Variants in STK17A observed in about 807,000 individuals in gnomAD.
STK17A encodes the protein serine/threonine-protein kinase 17A.
Under a neutral mutation model 43.7 loss-of-function variants are expected in STK17A, and 26 were observed. The ratio of observed to expected loss-of-function variants is 0.60; its 90% CI spans 0.44 to 0.83. The LOEUF (loss-of-function observed/expected upper bound fraction) is 0.83. Ranked by LOEUF, STK17A falls within the 40% of genes least tolerant of loss-of-function variation. The pLI, the probability that STK17A is intolerant of heterozygous loss-of-function variation, is 0.00. For synonymous variants in STK17A, 191 were observed against 182.5 expected, an observed-to-expected ratio of 1.05 and a Z score of -0.38; for missense variants, 476 against 511.6, an observed-to-expected ratio of 0.93 and a Z score of 0.67.
intron 1 of STK17A, among the ~76,000 whole-genome samples, chr7:43,584,961 C>T (rs969486979): frequency 3.3e-5 from 5 of 152,192 alleles, no homozygotes; most frequent in African/African-American, 9.7e-5. Flanking sequence ...CTTTGGGAGG[C>T]TGAGGCGGGT....
rs570390117 is a variant in STK17A at position 43,596,882 on chromosome 7, A to G, written c.419+769A>G. Among the ~76,000 whole-genome samples, 142 of 151,366 alleles carry G rather than the reference A, an allele frequency of 9.4e-4. No homozygotes were observed. In the Middle Eastern group the frequency reaches 0.014, roughly 15 times the overall value. ...GACTCCATCTCAAAAAAAAAAAAAA[A>G]AAAACCTTAATACTCATGCCTGTAA... On this transcript the variant is annotated intron_variant, in intron 2 of 6. Transcript: ENST00000319357.
chr7:43,590,271 T>C (rs2082471772), intron 1 of STK17A, among the ~76,000 whole-genome samples: 1 of 151,352 alleles, frequency 6.6e-6, no homozygotes, highest in Admixed American at 6.6e-5. Flanking sequence ...AAACAATTAT[T>C]TTCAGTATTC....
chr7:43,595,564 C>T (rs1035206612), intron 1 of STK17A, among the ~76,000 whole-genome samples: 3 of 152,104 alleles, frequency 2.0e-5, no homozygotes, highest in African/African-American at 7.2e-5. Context: ...CAAAGGTGCA[C>T]CATGCCTGGC....
At chr7:43,601,219 TG>T (rs2082552366) in intron 2 of STK17A, among the ~76,000 whole-genome samples, 1 of 152,210 alleles carries the variant, frequency 6.6e-6, no homozygotes, top group South Asian at 2.1e-4. Flanking sequence ...ATGTTACTCT[TG>T]AGAATGTAAT....
At chr7:43,584,934 C>T (rs186825792) in intron 1 of STK17A, among the ~76,000 whole-genome samples, 344 of 152,334 alleles carry the variant, frequency 2.3e-3, no homozygotes, top group African/African-American at 7.6e-3. Context: ...CAGTGGCTCA[C>T]GCCCATAATC....
rs777009041 is a variant in STK17A at position 43,624,764 on chromosome 7, G to A, written c.1167G>A (p.Met389Ile). 1.9e-6 allele frequency: 3 copies of A among 1,613,304 alleles called. No individual in the cohort carries two copies. The highest frequency in any genetic ancestry group is 1.1e-5 in the South Asian group (1 of 90,946). Reference sequence around the variant, plus strand: ...GCAGACAGTCTGAAAAAGAGAAAATGGAGCAAAAGGCCATTTCCAAACGAT... The same window carrying A: ...GCAGACAGTCTGAAAAAGAGAAAATAGAGCAAAAGGCCATTTCCAAACGAT... ...GQCRQSEKEKMEQKAISKRFK... is the reference protein window; with the variant it reads ...GQCRQSEKEKIEQKAISKRFK... The change falls in exon 7 of 7, where the codon ATG becomes ATA. Residue 389 changes from methionine to isoleucine, a missense_variant. Met to Ile is a conservative substitution (Grantham distance 10). This residue lies in a region of STK17A where 110 missense variants were observed against 103.7 expected (regional missense o/e 1.06). Transcript: ENST00000319357.
rs952672741 is a variant in STK17A, at chr7:43,626,061, T to A, written c.*1219T>A. On this transcript the variant is annotated 3_prime_UTR_variant, in exon 7 of 7. Transcript: ENST00000319357. ...TGGAAATGTAAAAGTGTATGCCGAATACCTTAAAGTAACTAATTATCCTTA... is the reference window on the plus strand; with the variant it reads ...TGGAAATGTAAAAGTGTATGCCGAAAACCTTAAAGTAACTAATTATCCTTA... 2 of 152,204 alleles carry A rather than the reference T, an allele frequency of 1.3e-5. No homozygotes were observed. Among genetic ancestry groups the A allele is most frequent in the Non-Finnish European group, 2.9e-5 (2 of 68,026 alleles). The allele number at this position is 152,204 out of a possible 1,614,324, so 9.4% of individuals were successfully genotyped here.
At chr7:43,606,210 C>G (rs2082587429) in intron 2 of STK17A, among the ~76,000 whole-genome samples, 1 of 152,210 alleles carries the variant, frequency 6.6e-6, no homozygotes, top group East Asian at 1.9e-4. Flanking sequence ...TAGGATGGAG[C>G]ATAGGGCCTA....
rs1382914921 is a variant in STK17A at position 43,626,005 on chromosome 7, C to T, written c.*1163C>T. The T allele has an allele frequency of 6.6e-6, 1 of 152,038 alleles. No homozygotes were observed. The highest frequency in any genetic ancestry group is 1.5e-5 in the Non-Finnish European group (1 of 68,004). The allele number at this position is 152,038 out of a possible 1,614,324, so 9.4% of individuals were successfully genotyped here. A position where few individuals can be genotyped will look rare whatever the true frequency, so the allele number is the denominator to read the frequency against. ...TGAACAGTTCAGTTGTATCTATGCC[C>T]CACAGTGACCAGTAAAGTCCAATTA... On this transcript the variant is annotated 3_prime_UTR_variant, in exon 7 of 7. Transcript: ENST00000319357.
In STK17A at chr7:43,624,748, C is replaced by G. The variant is rs1019220298; in HGVS notation, c.1151C>G (p.Ser384Cys). The stretch of plus-strand genomic sequence containing the variant: ...TATACTCTAGGACAATGCAGACAGT[C>G]TGAAAAAGAGAAAATGGAGCAAAAG... Reference protein sequence around the residue: ...TSYTLGQCRQSEKEKMEQKAI... With the variant: ...TSYTLGQCRQCEKEKMEQKAI... The change falls in exon 7 of 7, where the codon TCT becomes TGT. Residue 384 changes from serine (S) to cysteine (C), a missense_variant. By Grantham distance (112) the Ser-to-Cys change is moderately radical. This residue lies in a region of STK17A where 110 missense variants were observed against 103.7 expected (regional missense o/e 1.06). Transcript: ENST00000319357. 6.2e-7 allele frequency: 1 copy of G among 1,613,612 alleles called. No individual in the cohort carries two copies. Among genetic ancestry groups the G allele is most frequent in the African/African-American group, 1.3e-5 (1 of 74,986 alleles).
rs1040700369 is a variant in STK17A at position 43,625,054 on chromosome 7, A to G, written c.*212A>G. ...TTAACAGGTACAGTTACCCGTTTCA[A>G]TGTTATTTTTAAGAAGGGAGATGTT... is the stretch of plus-strand genomic sequence containing the variant. On this transcript the variant is annotated 3_prime_UTR_variant, in exon 7 of 7. Transcript: ENST00000319357. The G allele has an allele frequency of 2.1e-5, 8 of 377,710 alleles. No individual in the cohort carries two copies. The highest frequency in any genetic ancestry group is 8.7e-5 in the Admixed American group (2 of 22,882). The allele number at this position is 377,710 out of a possible 1,614,324, so 23.4% of individuals were successfully genotyped here.
In STK17A at chr7:43,624,681, A is replaced by G. The variant is rs1044141; in HGVS notation, c.1084A>G (p.Lys362Glu). 1,262,725 of 1,613,812 alleles carry G rather than the reference A, an allele frequency of 0.78. 496,256 individuals carry two copies. The highest frequency in any genetic ancestry group is 0.94 in the African/African-American group (70,701 of 74,994). The change falls in exon 7 of 7, where the codon AAG (lysine) becomes GAG (glutamate). Residue 362 changes from lysine (K) to glutamate (E), a missense_variant. Lys to Glu is a moderately conservative substitution (Grantham distance 56). Around this residue, in one of 3 missense-constraint regions of STK17A, gnomAD observed 110 missense variants for 103.7 expected, o/e 1.06. Transcript: ENST00000319357. ...INSDTDKSET[K>E]ESIVTEELIV... Reference sequence around the variant, plus strand: ...TTCGGATACCGACAAATCAGAAACCAAGGAATCCATTGTAACCGAAGAGTT... The same window carrying G: ...TTCGGATACCGACAAATCAGAAACCGAGGAATCCATTGTAACCGAAGAGTT...
At chr7:43,615,082 A>G (rs2083220938) in intron 3 of STK17A, among the ~76,000 whole-genome samples, 1 of 152,242 alleles carries the variant, frequency 6.6e-6, no homozygotes, top group Non-Finnish European at 1.5e-5. Context: ...CAAAACATTC[A>G]ATTATGAATA....
At chr7:43,591,009 C>T (rs1050342929) in intron 1 of STK17A, among the ~76,000 whole-genome samples, 3 of 151,328 alleles carry the variant, frequency 2.0e-5, no homozygotes, top group South Asian at 2.1e-4. Context: ...CCAAGAAATC[C>T]GTTATTATCT....
intron 3 of STK17A, among the ~76,000 whole-genome samples, chr7:43,612,598 T>C (rs1441013550): frequency 3.3e-5 from 5 of 152,336 alleles, no homozygotes; most frequent in Non-Finnish European, 7.3e-5. Flanking sequence ...TTAGTCTCCA[T>C]GCTGGTTAAA....
At chr7:43,599,507 T>C (rs1309377177) in intron 2 of STK17A, among the ~76,000 whole-genome samples, 3 of 152,256 alleles carry the variant, frequency 2.0e-5, no homozygotes, top group Admixed American at 2.0e-4. Context: ...ATGCTTAACT[T>C]AATCACATCC....
chr7:43,619,137 C>T (rs964353621), intron 3 of STK17A, among the ~76,000 whole-genome samples: 9 of 152,110 alleles, frequency 5.9e-5, no homozygotes, highest in Admixed American at 2.6e-4. Flanking sequence ...AAGACACAGA[C>T]GGGATTTGGT....
At chr7:43,588,637 T>A (rs1279281859) in intron 1 of STK17A, among the ~76,000 whole-genome samples, 1 of 151,378 alleles carries the variant, frequency 6.6e-6, no homozygotes, top group African/African-American at 2.4e-5. Flanking sequence ...GGTCAGAAGC[T>A]TGAGAGCAGC....
Position 43,583,177 on chromosome 7 carries a change from G to T in STK17A, c.-67G>T. ...CGCGGACCGGCACTAGGAGCCGGGG[G>T]CGGGTCCGTGACCCTCCGGCTGCTC... On this transcript the variant is annotated 5_prime_UTR_variant, in exon 1 of 7. Transcript: ENST00000319357. The T allele has an allele frequency of 6.6e-7, 1 of 1,510,392 alleles. No homozygotes were observed. Among genetic ancestry groups the T allele is most frequent in the Non-Finnish European group, 8.9e-7 (1 of 1,123,054 alleles). The allele number at this position is 1,510,392 out of a possible 1,614,324, so 93.6% of individuals were successfully genotyped here. A position where few individuals can be genotyped will look rare whatever the true frequency, so the allele number is the denominator to read the frequency against.
Sources: allele counts gnomAD v4.1 joint callset (sites outside exome capture counted in the v4.1 genomes callset), GRCh38; gene constraint gnomAD v4.1.1; regional missense constraint gnomAD v4.1.1; transcripts MANE v1.5; gene names NCBI Gene and HGNC (gene_info 2026-07-23, HGNC 2026-07-21).